Variants in CENPC observed in about 807,000 individuals in gnomAD.
CENPC encodes the protein CENP-C 1.
CENPC carries 63 observed loss-of-function variants against 112.1 expected under a neutral mutation model. That is an observed-to-expected ratio of 0.56 (90% CI 0.46 to 0.69). CENPC has a LOEUF of 0.69. Ranked by LOEUF, CENPC falls within the 30% of genes least tolerant of loss-of-function variation. The pLI is 0.00. For missense variants in CENPC, 1,000 were observed against 1,103.8 expected (o/e 0.91, Z 1.33); for synonymous variants, 333 against 367.6 (o/e 0.91, Z 1.08).
At chr4:67,510,758 C>G (rs1725871355) in intron 9 of CENPC, 1 of 313,642 alleles carries the variant, frequency 3.2e-6, no homozygotes, top group East Asian at 8.1e-5. Flanking sequence ...GACAGGCAGG[C>G]TGGGGGCAGG....
rs766822126 is a variant in CENPC, at chr4:67,505,331, A to G, written c.2052-47T>C. ...CAAAATTAATGCTTTTATAATACAT[A>G]TATCTAATGTATTTGCCTTAATGAT... is the stretch of plus-strand genomic sequence containing the variant. On this transcript the variant is annotated intron_variant, in intron 11 of 18. Transcript: ENST00000273853. 5 of 1,071,670 alleles carry G rather than the reference A, an allele frequency of 4.7e-6. 1 individual carries two copies. Among genetic ancestry groups the G allele is most frequent in the South Asian group, 4.5e-5 (3 of 67,084 alleles). 66.4% of individuals were successfully genotyped at this position (1,071,670 alleles called of 1,614,324 possible).
At chr4:67,506,956 G>A (rs191210025) in intron 10 of CENPC, 22 bp from the exon 11 acceptor site, 96 of 1,575,064 alleles carry the variant, frequency 6.1e-5, no homozygotes, top group Admixed American at 1.4e-4. Context: ...ATAAATGTAT[G>A]AGTGTTTATA....
chr4:67,487,969 G>A (rs1341939752), intron 17 of CENPC, among the ~76,000 whole-genome samples: 2 of 151,034 alleles, frequency 1.3e-5, no homozygotes, highest in Non-Finnish European at 2.9e-5. Flanking sequence ...GTAAAAATAC[G>A]AGTCTTATTA....
At chr4:67,535,079 TA>T (rs1560443750) in intron 4 of CENPC, among the ~76,000 whole-genome samples, 1 of 151,800 alleles carries the variant, frequency 6.6e-6, no homozygotes, top group East Asian at 1.9e-4. Context: ...GAAGCTAAAA[TA>T]AAAGAAAGCA....
intron 13 of CENPC, among the ~76,000 whole-genome samples, chr4:67,494,908 G>A (rs1266500761): frequency 6.6e-6 from 1 of 152,174 alleles, no homozygotes; most frequent in Non-Finnish European, 1.5e-5. Flanking sequence ...GCTAAGGGAG[G>A]ATCATGCCCC....
Position 67,506,919 on chromosome 4 carries a change from T to A in CENPC, c.1920A>T (p.Ser640=). The A allele has an allele frequency of 6.2e-7, 1 of 1,607,456 alleles. No homozygotes were observed. The change falls in exon 11 of 19, where the codon TCA becomes TCT. Residue 640 remains serine, a synonymous_variant. Coordinates refer to ENST00000273853, the MANE Select transcript of CENPC (RefSeq NM_001812.4). ...NLDCSRSTRS[S]KNEDNIMTAQ... is the part of the protein sequence containing the mutation. ...CAGTCATAATGTTATCTTCATTCTT[T>A]GAGCTTCTTGTAGATCTATAAAAAT... is the stretch of plus-strand genomic sequence containing the variant.
chr4:67,514,776 A>C, intron 7 of CENPC, 89 bp from the exon 8 acceptor site: 1 of 1,312,728 alleles, frequency 7.6e-7, no homozygotes, highest in Non-Finnish European at 1.0e-6. Flanking sequence ...ATAAAATCTA[A>C]ATTTCTTTTA....
In CENPC at chr4:67,545,320, C is replaced by CG. The variant is rs1324992384; in HGVS notation, c.18+17dup. On this transcript the variant is annotated intron_variant, in intron 1 of 18. Coordinates refer to ENST00000273853, the MANE Select transcript of CENPC (RefSeq NM_001812.4). ...CAGCCGCTCAACCACTCGCCTGGAG[C>CG]GGGGGGCCTGCACTTACCAGACCGG... 9 of 1,470,908 alleles carry CG rather than the reference C, an allele frequency of 6.1e-6. No individual in the cohort carries two copies. In the Admixed American group the frequency reaches 7.0e-5, roughly 12 times the overall value. The allele number at this position is 1,470,908 out of a possible 1,614,324, so 91.1% of individuals were successfully genotyped here.
At chr4:67,506,644 TC>T in intron 11 of CENPC, 143 bp downstream of exon 11, 1 of 605,042 alleles carries the variant, frequency 1.7e-6, no homozygotes, top group Non-Finnish European at 2.6e-6. Context: ...TAGCTAAGCC[TC>T]CCAGATTGCT....
At chr4:67,495,667 A>C (rs934154350) in intron 12 of CENPC, among the ~76,000 whole-genome samples, 2 of 152,222 alleles carry the variant, frequency 1.3e-5, no homozygotes, top group African/African-American at 4.8e-5. Flanking sequence ...CAAACAAAAA[A>C]AACAACAGAT....
At chr4:67,544,024 AC>A (rs1338216720) in intron 2 of CENPC, 124 bp downstream of exon 2, 30 of 631,758 alleles carry the variant, frequency 4.7e-5, no homozygotes, top group Non-Finnish European at 7.2e-5. Context: ...TAAGATGACT[AC>A]CCTTAATCAG....
chr4:67,541,585 T>A (rs1726891815), intron 2 of CENPC, among the ~76,000 whole-genome samples: 1 of 152,192 alleles, frequency 6.6e-6, no homozygotes. Context: ...TTCTCCTCAG[T>A]GCTAATATTT....
Position 67,471,460 on chromosome 4 carries a change from T to C in CENPC, c.*1145A>G, listed in dbSNP as rs1404296978. 1 of 152,046 alleles carries C rather than the reference T, an allele frequency of 6.6e-6. No homozygotes were observed. The highest frequency in any genetic ancestry group is 2.4e-5 in the African/African-American group (1 of 41,382). The allele number at this position is 152,046 out of a possible 1,614,324, so 9.4% of individuals were successfully genotyped here. A position where few individuals can be genotyped will look rare whatever the true frequency, so the allele number is the denominator to read the frequency against. On this transcript the variant is annotated 3_prime_UTR_variant, in exon 19 of 19. Coordinates refer to ENST00000273853, the MANE Select transcript of CENPC (RefSeq NM_001812.4). ...AAAAAAGCATTCAGTGAAAACTAAA[T>C]CTGTATGGGCCCAGATACTTGATTA...
In CENPC at chr4:67,505,282, C is replaced by T. The variant is rs749342568; in HGVS notation, c.2054G>A (p.Gly685Glu). Reference sequence around the variant, plus strand: ...ATAATTATTATTGAGCCTGGAAGGTCCACTTAAGAAAAAAAGGAAACCACA... The same window carrying T: ...ATAATTATTATTGAGCCTGGAAGGTTCACTTAAGAAAAAAAGGAAACCACA... ...EHKTSVLEES[G>E]PSRLNNNYLM... The change falls in exon 12 of 19, where the codon GGA becomes GAA. Residue 685 changes from glycine to glutamate, a missense_variant and splice_region_variant. Coordinates refer to ENST00000273853, the MANE Select transcript of CENPC (RefSeq NM_001812.4). 11 of 1,540,728 alleles carry T rather than the reference C, an allele frequency of 7.1e-6. No individual in the cohort carries two copies. The highest frequency in any genetic ancestry group is 7.9e-6 in the Non-Finnish European group (9 of 1,144,456).
At chr4:67,530,749 C>G (rs1232106481) in intron 5 of CENPC, 66 bp downstream of exon 5, 1 of 709,688 alleles carries the variant, frequency 1.4e-6, no homozygotes, top group East Asian at 3.1e-5. Context: ...GCAACACATG[C>G]ACCATTAGCG....
intron 5 of CENPC, 81 bp from the exon 6 acceptor site, chr4:67,519,583 T>A (rs1298379809): frequency 1.1e-6 from 1 of 935,512 alleles, no homozygotes; most frequent in Non-Finnish European, 1.5e-6. Context: ...AATTCTGCAA[T>A]AATTTAATCA....
chr4:67,505,091 G>T, intron 12 of CENPC, 114 bp downstream of exon 12: 1 of 716,136 alleles, frequency 1.4e-6, no homozygotes, highest in Non-Finnish European at 2.4e-6. Flanking sequence ...GGTCTTAAGA[G>T]GTAGGTACTC....
At chr4:67,532,204 T>A (rs137976842) in intron 4 of CENPC, among the ~76,000 whole-genome samples, 4 of 152,240 alleles carry the variant, frequency 2.6e-5, no homozygotes, top group African/African-American at 9.6e-5. Context: ...GAGACACTAT[T>A]TCACAATAGT....
chr4:67,544,230 TAAGA>T, intron 1 of CENPC, 35 bp from the exon 2 acceptor site: 1 of 1,206,046 alleles, frequency 8.3e-7, no homozygotes, highest in Non-Finnish European at 1.2e-6. Context: ...TTGGTTTCTT[TAAGA>T]TAGAGTCGAG....
Sources: allele counts gnomAD v4.1 joint callset (sites outside exome capture counted in the v4.1 genomes callset), GRCh38; gene constraint gnomAD v4.1.1; transcripts MANE v1.5; gene names NCBI Gene and HGNC (gene_info 2026-07-23, HGNC 2026-07-21).